The following PCDHGA8 variants were observed in gnomAD, a reference collection of about 807,000 sequenced individuals.
PCDHGA8 encodes the protein protocadherin gamma-A8.
PCDHGA8 carries 45 observed loss-of-function variants against 59.2 expected under a neutral mutation model. The ratio of observed to expected loss-of-function variants is 0.76; its 90% CI spans 0.60 to 0.98. PCDHGA8 has a LOEUF of 0.98. Ranked by LOEUF, PCDHGA8 falls within the 50% of genes least tolerant of loss-of-function variation. The pLI is 0.00. For synonymous variants in PCDHGA8, 531 were observed against 519.0 expected (o/e 1.02, Z -0.32); for missense variants, 1,257 against 1,196.2 (o/e 1.05, Z -0.75).
intron 1 of PCDHGA8, among the ~76,000 whole-genome samples, chr5:141,475,035 G>T (rs983190948): frequency 2.0e-5 from 3 of 152,132 alleles, no homozygotes. Context: ...GTGACTAAAG[G>T]CTTTGTATTT....
At position 141,494,934 on chromosome 5, in the gene PCDHGA8, T is replaced by C. The variant is rs2099757666; in HGVS notation, c.2483+69T>C. On this transcript the variant is annotated intron_variant, in intron 2 of 3. Transcript: ENST00000398604. ...TTCTCAGGGATGACGTGGGAGGAGA[T>C]GGGGGAGGGCCCAGCATTTGCTACA... 5.6e-6 allele frequency: 9 copies of C among 1,612,736 alleles called. No individual in the cohort carries two copies. The South Asian group carries it at 7.7e-5, about 14-fold the overall frequency.
At chr5:141,483,637 G>A (rs1365525499) in intron 1 of PCDHGA8, among the ~76,000 whole-genome samples, 1 of 145,878 alleles carries the variant, frequency 6.9e-6, no homozygotes, top group South Asian at 2.1e-4. Flanking sequence ...AAGGTATAGA[G>A]GGGTGTGTGT....
chr5:141,413,889 T>C (rs1394681178), intron 1 of PCDHGA8: 4 of 1,613,392 alleles, frequency 2.5e-6, no homozygotes, highest in Non-Finnish European at 3.4e-6. Flanking sequence ...CTGTCTTCGA[T>C]GCAAATGACA....
chr5:141,395,748 GA>G (rs1300341557), intron 1 of PCDHGA8: 2 of 152,878 alleles, frequency 1.3e-5, no homozygotes, highest in African/African-American at 4.8e-5. Flanking sequence ...CCTCTTTTCT[GA>G]GCCCTGTTTC....
chr5:141,409,490 C>G (rs780688280), intron 1 of PCDHGA8: 12 of 1,613,892 alleles, frequency 7.4e-6, no homozygotes, highest in Non-Finnish European at 1.0e-5. Context: ...CAGGGGCAAG[C>G]CGCCTCTTTC....
Position 141,494,920 on chromosome 5 carries a change from G to A in PCDHGA8, c.2483+55G>A, listed in dbSNP as rs1329724849. The A allele has an allele frequency of 1.8e-5, 29 of 1,613,680 alleles. No individual in the cohort carries two copies. The East Asian group carries it at 6.5e-4, about 36-fold the overall frequency. On this transcript the variant is annotated intron_variant, in intron 2 of 3. Coordinates refer to ENST00000398604, the MANE Select transcript of PCDHGA8 (RefSeq NM_032088.2). ...TTCTCTGCGGCATTTTCTCAGGGAT[G>A]ACGTGGGAGGAGATGGGGGAGGGCC...
chr5:141,489,830 A>G lies in PCDHGA8; in HGVS notation c.2425-4977A>G, dbSNP rs760376311. On this transcript the variant is annotated intron_variant, in intron 1 of 3. Coordinates refer to ENST00000398604, the MANE Select transcript of PCDHGA8 (RefSeq NM_032088.2). The surrounding 1 kb of genome is among the most constrained non-coding windows in gnomAD (Gnocchi z 4.5). ...AAGCCATTCCCAGAGCTGGTGCTAG[A>G]GCAGCAGCTGGATCGTGAAGCCCAG... 1.9e-6 allele frequency: 3 copies of G among 1,614,200 alleles called. No individual in the cohort carries two copies. Among genetic ancestry groups the G allele is most frequent in the East Asian group, 2.2e-5 (1 of 44,878 alleles).
intron 1 of PCDHGA8, chr5:141,409,727 G>A (rs1000014772): frequency 6.2e-7 from 1 of 1,613,158 alleles, no homozygotes; most frequent in South Asian, 1.1e-5. Context: ...GTCAGTGAGC[G>A]CGCAGAGCGG....
In PCDHGA8 at chr5:141,432,635, G is replaced by T. The variant is rs754354737; in HGVS notation, c.2424+37398G>T. 8.7e-6 allele frequency: 14 copies of T among 1,613,004 alleles called. No individual in the cohort carries two copies. The South Asian group carries it at 1.4e-4, about 16-fold the overall frequency. On this transcript the variant is annotated intron_variant, in intron 1 of 3. Transcript: ENST00000398604. This position sits in a 1 kb window ranked among gnomAD's most constrained non-coding sequence, Gnocchi z 6.0. ...CTCGGTGGGTCTGCACACGGGCGAGGTGCGCACGGCGCGAGCCCTGCTGGA... is the reference window on the plus strand; with the variant it reads ...CTCGGTGGGTCTGCACACGGGCGAGTTGCGCACGGCGCGAGCCCTGCTGGA...
At position 141,486,813 on chromosome 5, in the gene PCDHGA8, G is replaced by A; in HGVS notation, c.2425-7994G>A. On this transcript the variant is annotated intron_variant, in intron 1 of 3. Transcript: ENST00000398604. The surrounding 1 kb of genome is among the most constrained non-coding windows in gnomAD (Gnocchi z 5.0). ...GATCGGGGCAACCCACCCCTTAGCA[G>A]CACTGTAACAGTTCGTCTATTTGTG... The A allele has an allele frequency of 6.2e-7, 1 of 1,614,212 alleles. No individual in the cohort carries two copies.
intron 1 of PCDHGA8, among the ~76,000 whole-genome samples, chr5:141,482,605 C>T (rs2099569133): frequency 6.7e-6 from 1 of 150,032 alleles, no homozygotes; most frequent in Admixed American, 6.6e-5. Flanking sequence ...GAAAAAACAC[C>T]TAAATGAGCC....
intron 1 of PCDHGA8, chr5:141,400,071 GC>G: frequency 6.2e-7 from 1 of 1,613,942 alleles, no homozygotes; most frequent in Non-Finnish European, 8.5e-7. Flanking sequence ...GTGGACAGCC[GC>G]CACTCTCCGC....
chr5:141,444,329 G>T (rs536314842), intron 1 of PCDHGA8, among the ~76,000 whole-genome samples: 1 of 151,792 alleles, frequency 6.6e-6, no homozygotes, highest in Admixed American at 6.6e-5. Context: ...GTGCCACCAC[G>T]CCCAGCTAAT....
At chr5:141,474,607 A>C (rs1334447439) in intron 1 of PCDHGA8, among the ~76,000 whole-genome samples, 1 of 152,238 alleles carries the variant, frequency 6.6e-6, no homozygotes, top group Non-Finnish European at 1.5e-5. Context: ...TAGGTCACAT[A>C]TGGCTTTTCA....
chr5:141,450,015 T>A (rs911475310), intron 1 of PCDHGA8, among the ~76,000 whole-genome samples: 12 of 149,806 alleles, frequency 8.0e-5, no homozygotes, highest in Non-Finnish European at 1.6e-4. Flanking sequence ...TCTTTTTTTT[T>A]TTTTTTTTTG....
intron 1 of PCDHGA8, among the ~76,000 whole-genome samples, chr5:141,467,330 G>T (rs1335387199): frequency 6.6e-6 from 1 of 152,138 alleles, no homozygotes; most frequent in East Asian, 1.9e-4. Context: ...TGGGATTAGA[G>T]ACGTAAGCCA....
rs13178808 is a variant in PCDHGA8 at position 141,491,920 on chromosome 5, G to A, written c.2425-2887G>A. 1.2e-4 allele frequency: 164 copies of A among 1,356,270 alleles called. No individual in the cohort carries two copies. Among genetic ancestry groups the A allele is most frequent in the Non-Finnish European group, 1.5e-4 (155 of 1,015,194 alleles). The allele number at this position is 1,356,270 out of a possible 1,614,324, so 84.0% of individuals were successfully genotyped here. On this transcript the variant is annotated intron_variant, in intron 1 of 3. Transcript: ENST00000398604. This position sits in a 1 kb window ranked among gnomAD's most constrained non-coding sequence, Gnocchi z 6.9. ...ACCGGGGGTGGTGGCGACTGTGGGC[G>A]AGGGGAGGTGGGACCGACCCCCACC...
chr5:141,461,389 G>T (rs2099014363), intron 1 of PCDHGA8, among the ~76,000 whole-genome samples: 1 of 152,110 alleles, frequency 6.6e-6, no homozygotes. Context: ...CTGATGATTA[G>T]CGATGTTGAG....
At chr5:141,509,845 C>G (rs1021433327) in intron 3 of PCDHGA8, among the ~76,000 whole-genome samples, 1 of 152,190 alleles carries the variant, frequency 6.6e-6, no homozygotes, top group African/African-American at 2.4e-5. Context: ...CCCATTCACT[C>G]AGAACAGGGA....
Sources: allele counts gnomAD v4.1 joint callset (sites outside exome capture counted in the v4.1 genomes callset), GRCh38; gene constraint gnomAD v4.1.1; non-coding constraint Gnocchi (gnomAD v3.1); transcripts MANE v1.5; gene names NCBI Gene and HGNC (gene_info 2026-07-23, HGNC 2026-07-21).